Variants in ZFYVE28 observed in about 807,000 individuals in gnomAD.
The protein encoded by ZFYVE28 is lateral signaling target protein 2 homolog.
ZFYVE28 carries 40 observed loss-of-function variants against 82.1 expected under a neutral mutation model. The observed-to-expected ratio is 0.49, with a 90% confidence interval of 0.38 to 0.63. ZFYVE28 has a LOEUF of 0.63. Ranked by LOEUF, ZFYVE28 falls within the 30% of genes least tolerant of loss-of-function variation. The pLI is 0.00. For synonymous variants in ZFYVE28, 612 were observed against 546.1 expected (o/e 1.12, Z -1.68); for missense variants, 1,321 against 1,242.1 (o/e 1.06, Z -0.96).
intron 1 of ZFYVE28, among the ~76,000 whole-genome samples, chr4:2,357,447 G>A (rs953483659): frequency 3.3e-5 from 5 of 152,192 alleles, no homozygotes; most frequent in South Asian, 2.1e-4. Context: ...GGCTGAGCTC[G>A]CAGCCTGCCC....
chr4:2,350,712 T>C (rs1369106683), intron 2 of ZFYVE28, among the ~76,000 whole-genome samples: 1 of 152,174 alleles, frequency 6.6e-6, no homozygotes, highest in African/African-American at 2.4e-5. Flanking sequence ...CACTGAAGAA[T>C]TGGGAAGTGT....
At chr4:2,273,046 G>A (rs928948397) in intron 10 of ZFYVE28, 127 bp downstream of exon 10, 8 of 755,978 alleles carry the variant, frequency 1.1e-5, no homozygotes, top group Middle Eastern at 4.0e-4. Flanking sequence ...TCCTGGGGTC[G>A]ACGATTGCTT....
In ZFYVE28 at chr4:2,339,583, G is replaced by A. The variant is rs1322756219; in HGVS notation, c.391C>T (p.Leu131=). The change falls in exon 4 of 13, where the codon CTG becomes TTG. Residue 131 remains leucine (L), a synonymous_variant. Coordinates refer to ENST00000290974, the MANE Select transcript of ZFYVE28 (RefSeq NM_020972.3). This position sits in a 1 kb window ranked among gnomAD's most constrained non-coding sequence, Gnocchi z 5.0. ...SMAMRPLAKE[L]TRSLEDVRGA... ...CGCACGTCCTCCAGGCTGCGCGTCAGCTCCTTGGCCAGCGGGCGCATGGCC... is the reference window on the plus strand; with the variant it reads ...CGCACGTCCTCCAGGCTGCGCGTCAACTCCTTGGCCAGCGGGCGCATGGCC... 4 of 1,612,508 alleles carry A rather than the reference G, an allele frequency of 2.5e-6. No homozygotes were observed. Among genetic ancestry groups the A allele is most frequent in the Admixed American group, 1.7e-5 (1 of 59,844 alleles).
rs1409116617 is a variant in ZFYVE28, at chr4:2,332,941, C to G, written c.701+2764G>C. 6.6e-6 allele frequency among the ~76,000 whole-genome samples: 1 copy of G among 152,056 alleles called. No individual in the cohort carries two copies. Among genetic ancestry groups the G allele is most frequent in the Non-Finnish European group, 1.5e-5 (1 of 67,984 alleles). ...CTCTGTGGGGGCTCACAGCTGGCCA[C>G]CCCCCTGGACAGGCCTGCTCCCTGG... is the stretch of plus-strand genomic sequence containing the variant. On this transcript the variant is annotated intron_variant, in intron 6 of 12. Transcript: ENST00000290974. The surrounding 1 kb of genome is among the most constrained non-coding windows in gnomAD (Gnocchi z 4.7).
rs1719422204 is a variant in ZFYVE28, at chr4:2,323,610, G to A, written c.702-3339C>T. On this transcript the variant is annotated intron_variant, in intron 6 of 12. Transcript: ENST00000290974. ...CACATTGTGCAGGTTAGTTACATATGTATACATGTGCCATGCTGGTGCGCT... is the reference window on the plus strand; with the variant it reads ...CACATTGTGCAGGTTAGTTACATATATATACATGTGCCATGCTGGTGCGCT... Among the ~76,000 whole-genome samples, 4 of 151,508 alleles carry A rather than the reference G, an allele frequency of 2.6e-5. No individual in the cohort carries two copies. The South Asian group carries it at 6.3e-4, about 24-fold the overall frequency.
rs143760404 is a variant in ZFYVE28 at position 2,330,955 on chromosome 4, G to A, written c.701+4750C>T. The A allele has an allele frequency of 4.6e-6, 7 of 1,535,340 alleles. No homozygotes were observed. In the African/African-American group the frequency reaches 5.5e-5, roughly 12 times the overall value. ...CACCTTGTTTTGACACAGGTGGATG[G>A]GTGAGGGCCCCTGAAGAGGATCCGG... On this transcript the variant is annotated intron_variant, in intron 6 of 12. Coordinates refer to ENST00000290974, the MANE Select transcript of ZFYVE28 (RefSeq NM_020972.3).
chr4:2,273,479 T>C lies in ZFYVE28; in HGVS notation c.2207-190A>G, dbSNP rs147008681. Among the ~76,000 whole-genome samples, 136 of 151,656 alleles carry C rather than the reference T, an allele frequency of 9.0e-4. 1 individual carries two copies. Among genetic ancestry groups the C allele is most frequent in the African/African-American group, 3.1e-3 (126 of 41,286 alleles). ...CCTTGCAAGAATAAAAACTCGGGAG[T>C]CGAGAGAGATCAGGGGAAGGGAGAC... On this transcript the variant is annotated intron_variant, in intron 9 of 12. Coordinates refer to ENST00000290974, the MANE Select transcript of ZFYVE28 (RefSeq NM_020972.3).
chr4:2,328,099 T>C (rs1720141803), intron 6 of ZFYVE28, among the ~76,000 whole-genome samples: 1 of 152,254 alleles, frequency 6.6e-6, no homozygotes, highest in Non-Finnish European at 1.5e-5. Flanking sequence ...TGAAGGGATG[T>C]CTGTAGTCTC....
At chr4:2,348,199 T>G (rs912519105) in intron 2 of ZFYVE28, among the ~76,000 whole-genome samples, 3 of 152,146 alleles carry the variant, frequency 2.0e-5, no homozygotes, top group Non-Finnish European at 4.4e-5. Flanking sequence ...GCCAATAAAT[T>G]CAACAACTTA....
Position 2,339,670 on chromosome 4 carries a change from A to C in ZFYVE28, c.319-15T>G, listed in dbSNP as rs756871923. 4 of 1,579,318 alleles carry C rather than the reference A, an allele frequency of 2.5e-6. No homozygotes were observed. The highest frequency in any genetic ancestry group is 3.4e-6 in the Non-Finnish European group (4 of 1,163,960). ...GCGGCCAGGCACTGCGGGAGGGGAC[A>C]CACTCAGGGAGGGGCCCGGGTGAGG... On this transcript the variant is annotated splice_polypyrimidine_tract_variant and intron_variant, in intron 3 of 12. Coordinates refer to ENST00000290974, the MANE Select transcript of ZFYVE28 (RefSeq NM_020972.3). This position sits in a 1 kb window ranked among gnomAD's most constrained non-coding sequence, Gnocchi z 5.0.
intron 8 of ZFYVE28, among the ~76,000 whole-genome samples, chr4:2,303,825 C>T (rs558852137): frequency 3.3e-4 from 50 of 152,356 alleles, no homozygotes; most frequent in Middle Eastern, 3.4e-3. Context: ...CGTTTCAGCC[C>T]GGTGTGAGCC....
chr4:2,323,668 T>C (rs943695682), intron 6 of ZFYVE28, among the ~76,000 whole-genome samples: 3 of 150,516 alleles, frequency 2.0e-5, no homozygotes, highest in Admixed American at 1.3e-4. Context: ...GCATTAGGTA[T>C]ATCTCCCAAT....
At chr4:2,288,552 G>A (rs1382642976) in intron 8 of ZFYVE28, among the ~76,000 whole-genome samples, 2 of 152,232 alleles carry the variant, frequency 1.3e-5, no homozygotes, top group African/African-American at 4.8e-5. Flanking sequence ...CCTGCCATGG[G>A]GAGGGTGTCT....
At chr4:2,301,305 C>T (rs931736437) in intron 8 of ZFYVE28, among the ~76,000 whole-genome samples, 11 of 152,206 alleles carry the variant, frequency 7.2e-5, no homozygotes, top group African/African-American at 2.4e-4. Context: ...TTGGATGGGA[C>T]AGCTGCCATG....
At chr4:2,277,486 AT>A (rs756316564) in intron 8 of ZFYVE28, among the ~76,000 whole-genome samples, 1 of 152,200 alleles carries the variant, frequency 6.6e-6, no homozygotes, top group Non-Finnish European at 1.5e-5. Flanking sequence ...TCTCAAAAAA[AT>A]ATAAATAAAT....
At chr4:2,333,712 G>A (rs948221049) in intron 6 of ZFYVE28, among the ~76,000 whole-genome samples, 1 of 152,220 alleles carries the variant, frequency 6.6e-6, no homozygotes, top group Non-Finnish European at 1.5e-5. Context: ...TTCATTTGCT[G>A]TGAGTGCCCT....
chr4:2,274,832 G>A (rs971193862), intron 8 of ZFYVE28, among the ~76,000 whole-genome samples: 1 of 152,174 alleles, frequency 6.6e-6, no homozygotes, highest in Non-Finnish European at 1.5e-5. Flanking sequence ...CCGGAGACGC[G>A]GCCCCAACCC....
chr4:2,376,713 CAT>C (rs1024397608), intron 1 of ZFYVE28, among the ~76,000 whole-genome samples: 1 of 152,162 alleles, frequency 6.6e-6, no homozygotes, highest in African/African-American at 2.4e-5. Context: ...CCTCCCACGA[CAT>C]GTGGGGATTA....
At chr4:2,348,677 A>T (rs1434286100) in intron 2 of ZFYVE28, among the ~76,000 whole-genome samples, 1 of 152,240 alleles carries the variant, frequency 6.6e-6, no homozygotes, top group Non-Finnish European at 1.5e-5. Flanking sequence ...AATAAGGCAG[A>T]ATCTCTGGGA....
Sources: allele counts gnomAD v4.1 joint callset (sites outside exome capture counted in the v4.1 genomes callset), GRCh38; gene constraint gnomAD v4.1.1; non-coding constraint Gnocchi (gnomAD v3.1); transcripts MANE v1.5; gene names NCBI Gene and HGNC (gene_info 2026-07-23, HGNC 2026-07-21).